Variants in EXOC4 observed in about 807,000 individuals in gnomAD.
EXOC4 encodes SEC8-like 1.
A neutral mutation model predicts 107.2 loss-of-function variants in EXOC4; 71 were observed. The ratio of observed to expected loss-of-function variants is 0.66; its 90% CI spans 0.55 to 0.81. EXOC4 has a LOEUF of 0.81. Ranked by LOEUF, EXOC4 falls within the 30% of genes least tolerant of loss-of-function variation. The pLI, the probability that EXOC4 is intolerant of heterozygous loss-of-function variation, is 0.00. For synonymous variants in EXOC4, 456 were observed against 441.2 expected (o/e 1.03, Z -0.42); for missense variants, 1,108 against 1,189.6 (o/e 0.93, Z 1.01).
intron 10 of EXOC4, among the ~76,000 whole-genome samples, chr7:133,731,438 ACT>A (rs1292646354): frequency 6.6e-6 from 1 of 151,574 alleles, no homozygotes; most frequent in Non-Finnish European, 1.5e-5. Context: ...CTAACTGAAG[ACT>A]CTCCATTTGT....
rs3076789 is a variant in EXOC4 at position 133,735,046 on chromosome 7, TAA to T, written c.1515-82258_1515-82257del. On this transcript the variant is annotated intron_variant, in intron 10 of 17. Coordinates refer to ENST00000253861, the MANE Select transcript of EXOC4 (RefSeq NM_021807.4). ...CAACATGGTGAAACCCCGTCTCTGC[TAA>T]AAAAAAAAAAAAAAAAAAAATACAA... is the stretch of plus-strand genomic sequence containing the variant. Among the ~76,000 whole-genome samples, 920 of 94,720 alleles carry T rather than the reference TAA, an allele frequency of 9.7e-3. 7 individuals carry two copies. The highest frequency in any genetic ancestry group is 0.032 in the African/African-American group (729 of 22,976). 62.1% of individuals were successfully genotyped at this position (94,720 alleles called of 152,430 possible).
chr7:133,614,911 T>C (rs1305638260), intron 9 of EXOC4, among the ~76,000 whole-genome samples: 1 of 151,222 alleles, frequency 6.6e-6, no homozygotes, highest in Non-Finnish European at 1.5e-5. Context: ...GACAACTTGA[T>C]GGTGTTGAGT....
intron 9 of EXOC4, among the ~76,000 whole-genome samples, chr7:133,566,845 AGTT>A (rs1179500059): frequency 1.3e-5 from 2 of 152,192 alleles, no homozygotes; most frequent in South Asian, 2.1e-4. Context: ...GTGTAGACAA[AGTT>A]GTTGTATCAG....
At chr7:133,735,611 C>A (rs1795428624) in intron 10 of EXOC4, among the ~76,000 whole-genome samples, 1 of 152,100 alleles carries the variant, frequency 6.6e-6, no homozygotes, top group South Asian at 2.1e-4. Flanking sequence ...CTATTCTACT[C>A]AAAAATCTCT....
intron 11 of EXOC4, among the ~76,000 whole-genome samples, chr7:133,887,516 T>G (rs1799112405): frequency 6.6e-6 from 1 of 152,128 alleles, no homozygotes; most frequent in South Asian, 2.1e-4. Context: ...ATTCGCCCAG[T>G]GTGAAAGTAC....
At chr7:133,965,184 T>G (rs1801035345) in intron 14 of EXOC4, among the ~76,000 whole-genome samples, 1 of 152,248 alleles carries the variant, frequency 6.6e-6, no homozygotes, top group South Asian at 2.1e-4. Flanking sequence ...ATTGTTTGTT[T>G]TTTCTTGTAA....
At chr7:133,608,367 T>C (rs1187741341) in intron 9 of EXOC4, among the ~76,000 whole-genome samples, 1 of 152,042 alleles carries the variant, frequency 6.6e-6, no homozygotes. Flanking sequence ...ATATTTGTTA[T>C]GATCATCAAC....
chr7:133,267,704 A>T (rs191613270), intron 1 of EXOC4, among the ~76,000 whole-genome samples: 26 of 152,152 alleles, frequency 1.7e-4, no homozygotes, highest in African/African-American at 6.3e-4. Context: ...TACTTAGTGA[A>T]TATTTGTTGA....
At chr7:133,602,040 A>G (rs1252619858) in intron 9 of EXOC4, 4 of 152,374 alleles carry the variant, frequency 2.6e-5, no homozygotes, top group East Asian at 1.9e-4. Context: ...TTTGTTAACT[A>G]TATAACCTCA....
intron 7 of EXOC4, among the ~76,000 whole-genome samples, chr7:133,400,880 A>G (rs1797074110): frequency 6.6e-6 from 1 of 152,196 alleles, no homozygotes; most frequent in Non-Finnish European, 1.5e-5. Context: ...TGAATTGTGT[A>G]AGAGAAGACA....
intron 11 of EXOC4, among the ~76,000 whole-genome samples, chr7:133,862,047 A>G (rs1217143279): frequency 6.6e-6 from 1 of 152,190 alleles, no homozygotes; most frequent in African/African-American, 2.4e-5. Flanking sequence ...AAGTCATGAG[A>G]CAACCTACTT....
intron 12 of EXOC4, among the ~76,000 whole-genome samples, chr7:133,909,286 T>C (rs1799636156): frequency 6.6e-6 from 1 of 152,146 alleles, no homozygotes; most frequent in Non-Finnish European, 1.5e-5. Flanking sequence ...ATTTTACACC[T>C]TAATGGAGGG....
intron 9 of EXOC4, among the ~76,000 whole-genome samples, chr7:133,498,073 C>T (rs1799512200): frequency 6.6e-6 from 1 of 152,148 alleles, no homozygotes; most frequent in Non-Finnish European, 1.5e-5. Context: ...CTCATGAGAA[C>T]CAGGCACTGA....
intron 7 of EXOC4, among the ~76,000 whole-genome samples, chr7:133,434,363 GA>G (rs1213606408): frequency 6.6e-6 from 1 of 152,038 alleles, no homozygotes; most frequent in Non-Finnish European, 1.5e-5. Flanking sequence ...CCGAAAAAGA[GA>G]AAAAAAGATA....
At chr7:133,714,069 T>C (rs1794950578) in intron 10 of EXOC4, among the ~76,000 whole-genome samples, 1 of 152,214 alleles carries the variant, frequency 6.6e-6, no homozygotes, top group East Asian at 1.9e-4. Context: ...GCACAACCAC[T>C]GTCAGGCCCA....
intron 6 of EXOC4, among the ~76,000 whole-genome samples, chr7:133,368,863 G>T (rs991782579): frequency 2.0e-5 from 3 of 152,062 alleles, no homozygotes; most frequent in African/African-American, 7.2e-5. Context: ...TAAAGTTCTT[G>T]GGCCTTTACT....
chr7:133,540,406 T>TA (rs1202493405), intron 9 of EXOC4, among the ~76,000 whole-genome samples: 1 of 152,186 alleles, frequency 6.6e-6, no homozygotes, highest in Non-Finnish European at 1.5e-5. Context: ...GAAAATATAT[T>TA]AAAAACCAGT....
At chr7:133,554,841 T>A (rs965368347) in intron 9 of EXOC4, among the ~76,000 whole-genome samples, 2 of 152,230 alleles carry the variant, frequency 1.3e-5, no homozygotes, top group Non-Finnish European at 2.9e-5. Flanking sequence ...TTAATTTTCT[T>A]TAATCCTATG....
At chr7:133,692,236 T>C (rs764525102) in intron 10 of EXOC4, among the ~76,000 whole-genome samples, 42 of 152,206 alleles carry the variant, frequency 2.8e-4, no homozygotes, top group Non-Finnish European at 4.4e-4. Context: ...AGAGTCCAGC[T>C]ATGAGCAGTA....
Sources: allele counts gnomAD v4.1 joint callset (sites outside exome capture counted in the v4.1 genomes callset), GRCh38; gene constraint gnomAD v4.1.1; transcripts MANE v1.5; gene names NCBI Gene and HGNC (gene_info 2026-07-23, HGNC 2026-07-21).